NAV3: variants seen among roughly 807,000 people sequenced by gnomAD.
The protein encoded by NAV3 is pore membrane and/or filament interacting like protein 1.
Under a neutral mutation model 244.7 loss-of-function variants are expected in NAV3, and 87 were observed. The observed-to-expected ratio is 0.36, with a 90% confidence interval of 0.30 to 0.42. The LOEUF (loss-of-function observed/expected upper bound fraction) is 0.42, where lower values mean the gene tolerates loss of function less well. NAV3 is among the 20% of genes least tolerant of loss of function. The pLI is 1.00. For synonymous variants in NAV3, 1,126 were observed against 1,042.2 expected (o/e 1.08, Z -1.55); for missense variants, 2,663 against 2,893.3 (o/e 0.92, Z 1.83).
At chr12:77,825,025 A>T (rs1446208484) in intron 2 of NAV3, among the ~76,000 whole-genome samples, 9 of 152,224 alleles carry the variant, frequency 5.9e-5, no homozygotes, top group African/African-American at 2.2e-4. Flanking sequence ...CAGACATGTG[A>T]TGGACTTCTT....
chr12:77,940,237 G>T (rs2137464497), intron 1 of NAV3, 82 bp from the exon 2 acceptor site: 1 of 987,504 alleles, frequency 1.0e-6, no homozygotes, highest in South Asian at 1.5e-5. Flanking sequence ...GCTTCCCTTT[G>T]AATCCAACAT....
chr12:77,941,245 A>G, intron 3 of NAV3, 112 bp downstream of exon 3: 2 of 693,050 alleles, frequency 2.9e-6, no homozygotes, highest in Non-Finnish European at 2.4e-6. Context: ...TTAAGAAACC[A>G]TTTGATCCCA....
chr12:77,651,488 A>G (rs1434792293), intron 2 of NAV3, among the ~76,000 whole-genome samples: 1 of 152,128 alleles, frequency 6.6e-6, no homozygotes, highest in Admixed American at 6.6e-5. Flanking sequence ...TAATAGCCAC[A>G]GGGATATTGA....
intron 2 of NAV3, among the ~76,000 whole-genome samples, chr12:77,795,768 T>C (rs1286820460): frequency 6.6e-6 from 1 of 152,176 alleles, no homozygotes; most frequent in Non-Finnish European, 1.5e-5. Flanking sequence ...ATTCTGAAGA[T>C]CCTAACTCCC....
intron 2 of NAV3, among the ~76,000 whole-genome samples, chr12:77,809,076 A>G (rs566183330): frequency 2.4e-4 from 37 of 152,094 alleles, no homozygotes; most frequent in Non-Finnish European, 4.1e-4. Flanking sequence ...GGCAGTGAGA[A>G]TTTCAAGCCA....
Position 78,190,167 on chromosome 12 carries a change from A to G in NAV3, c.6239A>G (p.Lys2080Arg). The change falls in exon 34 of 40, where the codon AAA becomes AGA. Residue 2080 changes from lysine (K) to arginine (R), a missense_variant. Coordinates refer to ENST00000397909, the MANE Select transcript of NAV3 (RefSeq NM_001024383.2). ...AEYVITKSGRKKTEDAIATFN... is the reference protein window; with the variant it reads ...AEYVITKSGRRKTEDAIATFN... Reference sequence around the variant, plus strand: ...TATGTAATAACCAAATCTGGAAGGAAAAAAACAGAGGATGCAATTGCCACT... The same window carrying G: ...TATGTAATAACCAAATCTGGAAGGAGAAAAACAGAGGATGCAATTGCCACT... 6.2e-7 allele frequency: 1 copy of G among 1,612,948 alleles called. No homozygotes were observed. Among genetic ancestry groups the G allele is most frequent in the Non-Finnish European group, 8.5e-7 (1 of 1,179,456 alleles).
intron 12 of NAV3, among the ~76,000 whole-genome samples, chr12:78,071,760 G>A (rs1952782450): frequency 6.6e-6 from 1 of 151,918 alleles, no homozygotes; most frequent in South Asian, 2.1e-4. Context: ...TTTTTCTCAG[G>A]TTTGTCAAAG....
chr12:77,736,422 C>T (rs535876516), intron 2 of NAV3, among the ~76,000 whole-genome samples: 9 of 152,256 alleles, frequency 5.9e-5, no homozygotes, highest in Non-Finnish European at 1.0e-4. Context: ...GTTCTTATGT[C>T]GGTCTTGCTG....
chr12:77,718,771 C>T (rs1231266204), intron 2 of NAV3, among the ~76,000 whole-genome samples: 2 of 152,000 alleles, frequency 1.3e-5, no homozygotes, highest in African/African-American at 2.4e-5. Flanking sequence ...GATTCTCCTG[C>T]CTCAGCCTCC....
intron 12 of NAV3, among the ~76,000 whole-genome samples, chr12:78,082,927 G>A (rs1319878791): frequency 6.6e-6 from 1 of 152,140 alleles, no homozygotes; most frequent in Non-Finnish European, 1.5e-5. Context: ...GGGCCTGGGG[G>A]TGGGTTAAAT....
At chr12:77,829,817 C>T (rs899904436), upstream of NAV3, among the ~76,000 whole-genome samples, 2 of 152,058 alleles carry the variant, frequency 1.3e-5, no homozygotes, top group Non-Finnish European at 2.9e-5. Flanking sequence ...GATAAAAGTA[C>T]GTAGTGATTT....
At chr12:77,727,617 A>AT (rs1256785712) in intron 2 of NAV3, among the ~76,000 whole-genome samples, 1 of 151,994 alleles carries the variant, frequency 6.6e-6, no homozygotes, top group Non-Finnish European at 1.5e-5. Context: ...GGAGCTGCAC[A>AT]TTGTTCAGTA....
chr12:77,948,028 A>G (rs1890522967), intron 3 of NAV3, among the ~76,000 whole-genome samples: 1 of 152,076 alleles, frequency 6.6e-6, no homozygotes, highest in Non-Finnish European at 1.5e-5. Context: ...GAAATTGGAC[A>G]GATAAACTCT....
At chr12:77,934,173 G>A (rs978241082) in intron 1 of NAV3, among the ~76,000 whole-genome samples, 3 of 152,012 alleles carry the variant, frequency 2.0e-5, no homozygotes, top group African/African-American at 7.2e-5. Flanking sequence ...TGGCACCAGG[G>A]GTGACACAGC....
chr12:78,188,906 C>A, intron 33 of NAV3, 129 bp downstream of exon 33: 2 of 711,530 alleles, frequency 2.8e-6, no homozygotes, highest in Non-Finnish European at 4.5e-6. Context: ...TTTTAAAAAT[C>A]AATATGACTC....
chr12:77,622,005 T>C (rs529450927), intron 2 of NAV3, among the ~76,000 whole-genome samples: 1 of 152,280 alleles, frequency 6.6e-6, no homozygotes, highest in East Asian at 1.9e-4. Flanking sequence ...TAAATTTATG[T>C]TTTATGGTTT....
chr12:77,614,621 C>G (rs1273357259), intron 2 of NAV3, among the ~76,000 whole-genome samples: 1 of 152,106 alleles, frequency 6.6e-6, no homozygotes, highest in African/African-American at 2.4e-5. Flanking sequence ...GCATTTAAGA[C>G]CACGAGTTGT....
chr12:78,187,148 C>G (rs1046990600), intron 31 of NAV3, among the ~76,000 whole-genome samples: 8 of 151,864 alleles, frequency 5.3e-5, no homozygotes, highest in African/African-American at 1.9e-4. Context: ...GTGGATTTCT[C>G]AACTTATTCT....
At chr12:78,089,162 C>A (rs1179146970) in intron 12 of NAV3, among the ~76,000 whole-genome samples, 1 of 152,040 alleles carries the variant, frequency 6.6e-6, no homozygotes, top group Admixed American at 6.6e-5. Context: ...ACCACCATTC[C>A]CTTCCCCTTT....
Sources: allele counts gnomAD v4.1 joint callset (sites outside exome capture counted in the v4.1 genomes callset), GRCh38; gene constraint gnomAD v4.1.1; transcripts MANE v1.5; gene names NCBI Gene and HGNC (gene_info 2026-07-23, HGNC 2026-07-21).